ABTB3: variants seen among roughly 807,000 people sequenced by gnomAD.
ABTB3 encodes ankyrin repeat and BTB domain containing 3.
the ABTB3 span, among the ~76,000 whole-genome samples, chr12:107,361,373 G>A: frequency 6.6e-5 from 10 of 152,204 alleles, no homozygotes; most frequent in East Asian, 7.7e-4. Context: ...CTTACGTGTC[G>A]TGATACGCTC....
the ABTB3 span, among the ~76,000 whole-genome samples, chr12:107,462,618 GTGA>G: frequency 6.6e-6 from 1 of 152,102 alleles, no homozygotes; most frequent in Admixed American, 6.5e-5. Context: ...TATGATGATG[GTGA>G]TGATGATGGT....
the ABTB3 span, among the ~76,000 whole-genome samples, chr12:107,488,864 GT>G: frequency 1.3e-5 from 2 of 152,022 alleles, no homozygotes; most frequent in African/African-American, 2.4e-5. Flanking sequence ...TTAGAACAGT[GT>G]GTGTAGATGT....
At chr12:107,620,023 G>A in the ABTB3 span, 1 of 1,613,894 alleles carries the variant, frequency 6.2e-7, no homozygotes, top group Non-Finnish European at 8.5e-7. Context: ...TGGAGTCTTT[G>A]CGGATCGCCT....
the ABTB3 span, among the ~76,000 whole-genome samples, chr12:107,638,226 G>A: frequency 6.6e-6 from 1 of 152,166 alleles, no homozygotes; most frequent in Non-Finnish European, 1.5e-5. Context: ...TACTGACAGA[G>A]AAAGGTGAGT....
the ABTB3 span, among the ~76,000 whole-genome samples, chr12:107,448,988 G>C: frequency 1.3e-5 from 2 of 152,244 alleles, no homozygotes; most frequent in Admixed American, 6.5e-5. Context: ...CATGAATGCA[G>C]GTGCAGTTCT....
chr12:107,380,614 G>A, the ABTB3 span, among the ~76,000 whole-genome samples: 6 of 152,244 alleles, frequency 3.9e-5, no homozygotes, highest in East Asian at 5.8e-4. Context: ...ACCCCATGCC[G>A]AGTCATTTGA....
At chr12:107,376,102 C>T in the ABTB3 span, among the ~76,000 whole-genome samples, 2 of 152,182 alleles carry the variant, frequency 1.3e-5, no homozygotes, top group East Asian at 1.9e-4. Flanking sequence ...CCATGGCCCC[C>T]GTCCTCACTT....
At chr12:107,321,237 C>G in the ABTB3 span, among the ~76,000 whole-genome samples, 3 of 152,140 alleles carry the variant, frequency 2.0e-5, no homozygotes, top group Non-Finnish European at 1.5e-5. Context: ...GTCTGTTTCC[C>G]GGGGGCTGGA....
At chr12:107,639,006 G>A in the ABTB3 span, among the ~76,000 whole-genome samples, 5 of 152,202 alleles carry the variant, frequency 3.3e-5, no homozygotes, top group Non-Finnish European at 7.3e-5. Context: ...CTCAGCTGGG[G>A]CTACTGGGTC....
At chr12:107,375,616 G>T in the ABTB3 span, among the ~76,000 whole-genome samples, 7 of 152,204 alleles carry the variant, frequency 4.6e-5, no homozygotes, top group Non-Finnish European at 5.9e-5. Context: ...TTAGCAGGTA[G>T]CGCGAAGTTT....
chr12:107,546,142 A>C, the ABTB3 span, among the ~76,000 whole-genome samples: 4 of 152,178 alleles, frequency 2.6e-5, no homozygotes, highest in African/African-American at 9.7e-5. Context: ...GTAAAGCTTC[A>C]TGAAGGCAGA....
the ABTB3 span, among the ~76,000 whole-genome samples, chr12:107,393,642 T>C: frequency 6.6e-6 from 1 of 152,090 alleles, no homozygotes; most frequent in Non-Finnish European, 1.5e-5. Flanking sequence ...GTAGAATGAA[T>C]GATAAAGGCT....
At chr12:107,605,734 A>G in the ABTB3 span, among the ~76,000 whole-genome samples, 41 of 152,350 alleles carry the variant, frequency 2.7e-4, no homozygotes, top group African/African-American at 8.2e-4. Flanking sequence ...GAGGAGAATG[A>G]AAGCAGGAAG....
the ABTB3 span, chr12:107,520,388 C>T: frequency 1.2e-5 from 18 of 1,497,708 alleles, no homozygotes; most frequent in African/African-American, 2.8e-5. Flanking sequence ...CCAGCTCTGG[C>T]GTGGTTTGAG....
At chr12:107,580,545 C>T in the ABTB3 span, 6 of 173,496 alleles carry the variant, frequency 3.5e-5, no homozygotes, top group Middle Eastern at 2.7e-3. Context: ...CCCAGCCAGC[C>T]TGGGTCTGGG....
At chr12:107,577,205 A>T in the ABTB3 span, among the ~76,000 whole-genome samples, 45 of 152,164 alleles carry the variant, frequency 3.0e-4, no homozygotes, top group African/African-American at 1.0e-3. Flanking sequence ...AGCCTAACAT[A>T]CTTACTAGTT....
the ABTB3 span, among the ~76,000 whole-genome samples, chr12:107,322,427 T>C: frequency 6.6e-6 from 1 of 152,214 alleles, no homozygotes; most frequent in African/African-American, 2.4e-5. Flanking sequence ...AGTGATTAAT[T>C]CCTTAGGTAT....
the ABTB3 span, among the ~76,000 whole-genome samples, chr12:107,501,084 A>G: frequency 1.3e-5 from 2 of 152,342 alleles, no homozygotes; most frequent in East Asian, 1.9e-4. Context: ...ATGATAACAA[A>G]TAACAGCAAC....
chr12:107,497,646 T>A, the ABTB3 span, among the ~76,000 whole-genome samples: 8,952 of 152,262 alleles, frequency 0.059, 307 homozygotes, highest in Non-Finnish European at 0.065. Context: ...TTTTCAGTAA[T>A]ATTCTGTTGG....
Sources: allele counts gnomAD v4.1 joint callset (sites outside exome capture counted in the v4.1 genomes callset), GRCh38; gene constraint gnomAD v4.1.1; transcripts MANE v1.5; gene names NCBI Gene and HGNC (gene_info 2026-07-23, HGNC 2026-07-21).